MAGI2: variants seen among roughly 807,000 people sequenced by gnomAD.
MAGI2 encodes the protein membrane-associated guanylate kinase, WW and PDZ domain-containing protein 2.
In MAGI2, 35 loss-of-function variants were observed where a neutral mutation model predicts 133.3. That is an observed-to-expected ratio of 0.26 (90% confidence interval 0.20 to 0.35). The LOEUF (loss-of-function observed/expected upper bound fraction) is 0.35, where lower values mean the gene tolerates loss of function less well. Ranked by LOEUF, MAGI2 falls within the 10% of genes least tolerant of loss-of-function variation. MAGI2 has a pLI of 1.00. For missense variants in MAGI2, 1,636 were observed against 1,863.4 expected (o/e 0.88, Z 2.25); for synonymous variants, 729 against 710.6 (o/e 1.03, Z -0.41).
At chr7:78,791,848 T>G (rs1322336926) in intron 2 of MAGI2, among the ~76,000 whole-genome samples, 1 of 152,008 alleles carries the variant, frequency 6.6e-6, no homozygotes, top group Non-Finnish European at 1.5e-5. Flanking sequence ...TTGTGCCGGG[T>G]CAAGAAACAA....
intron 2 of MAGI2, among the ~76,000 whole-genome samples, chr7:78,680,710 T>A (rs1225581347): frequency 6.6e-6 from 1 of 152,170 alleles, no homozygotes. Context: ...CATAATCAAA[T>A]CATTCTTTGT....
intron 1 of MAGI2, among the ~76,000 whole-genome samples, chr7:79,081,900 G>C (rs889165549): frequency 1.3e-5 from 2 of 152,056 alleles, no homozygotes; most frequent in Non-Finnish European, 2.9e-5. Flanking sequence ...TTAGCTGTTG[G>C]TCCTACTTTT....
Position 79,145,504 on chromosome 7 carries a change from A to G in MAGI2, c.302-138298T>C, listed in dbSNP as rs189405495. ...ATGTGTTTTTGAGCAAGCATCTGCA[A>G]AAAAAGAGCAAATGAATTAGGGAGA... On this transcript the variant is annotated intron_variant, in intron 1 of 21. Coordinates refer to ENST00000354212, the MANE Select transcript of MAGI2 (RefSeq NM_012301.4). Among the ~76,000 whole-genome samples the G allele has an allele frequency of 1.9e-4, 29 of 152,294 alleles. No individual in the cohort carries two copies. The East Asian group carries it at 3.1e-3, about 16-fold the overall frequency.
chr7:78,451,871 T>C (rs937391521), intron 6 of MAGI2, among the ~76,000 whole-genome samples: 1 of 152,118 alleles, frequency 6.6e-6, no homozygotes, highest in African/African-American at 2.4e-5. Context: ...ACCATGAACT[T>C]CCCTTTCTGG....
chr7:79,150,915 T>C (rs983280280), intron 1 of MAGI2, among the ~76,000 whole-genome samples: 14 of 152,154 alleles, frequency 9.2e-5, no homozygotes, highest in African/African-American at 3.4e-4. Flanking sequence ...AAATAAGTTA[T>C]CTAGTTAAAG....
At chr7:78,529,971 C>T (rs1797324258) in intron 3 of MAGI2, among the ~76,000 whole-genome samples, 1 of 151,826 alleles carries the variant, frequency 6.6e-6, no homozygotes, top group Non-Finnish European at 1.5e-5. Flanking sequence ...TCTTCAAAAT[C>T]CAGTGTATAG....
At chr7:78,623,739 C>A (rs1261665280) in intron 3 of MAGI2, among the ~76,000 whole-genome samples, 2 of 152,094 alleles carry the variant, frequency 1.3e-5, no homozygotes, top group South Asian at 2.1e-4. Flanking sequence ...ATATTGAGTT[C>A]TTGAATAACT....
At chr7:78,598,748 G>A (rs1804879566) in intron 3 of MAGI2, among the ~76,000 whole-genome samples, 1 of 152,106 alleles carries the variant, frequency 6.6e-6, no homozygotes, top group Admixed American at 6.6e-5. Flanking sequence ...ACAGGTCTAA[G>A]GAATAATTTA....
chr7:78,446,302 T>C (rs1434538647), intron 6 of MAGI2, among the ~76,000 whole-genome samples: 1 of 152,038 alleles, frequency 6.6e-6, no homozygotes, highest in Non-Finnish European at 1.5e-5. Flanking sequence ...TTAAAATTTT[T>C]AAAGTTTTCT....
rs115722143 is a variant in MAGI2 at position 78,858,315 on chromosome 7, G to T, written c.418+148775C>A. Among the ~76,000 whole-genome samples, 323 of 152,222 alleles carry T rather than the reference G, an allele frequency of 2.1e-3. 3 individuals are homozygous for T. The highest frequency in any genetic ancestry group is 7.5e-3 in the African/African-American group (310 of 41,542). On this transcript the variant is annotated intron_variant, in intron 2 of 21. Coordinates refer to ENST00000354212, the MANE Select transcript of MAGI2 (RefSeq NM_012301.4). Reference sequence around the variant, plus strand: ...GCTAGCTTTTGAATGGTTTGCTCTTGTTACTCTAGTTCTTTTAATTGTGAT... The same window carrying T: ...GCTAGCTTTTGAATGGTTTGCTCTTTTTACTCTAGTTCTTTTAATTGTGAT...
At chr7:78,802,928 T>TA (rs34471936) in intron 2 of MAGI2, among the ~76,000 whole-genome samples, 2,536 of 144,420 alleles carry the variant, frequency 0.018, 60 homozygotes, top group African/African-American at 0.058. Context: ...TAAAATCTAT[T>TA]AAAAAAAAAA....
At chr7:78,755,581 G>A (rs920718745) in intron 2 of MAGI2, among the ~76,000 whole-genome samples, 1 of 152,188 alleles carries the variant, frequency 6.6e-6, no homozygotes, top group African/African-American at 2.4e-5. Context: ...TATCTACACA[G>A]CAGACAAATA....
intron 1 of MAGI2, among the ~76,000 whole-genome samples, chr7:79,283,952 T>G (rs1835827358): frequency 6.6e-6 from 1 of 152,110 alleles, no homozygotes; most frequent in Admixed American, 6.6e-5. Flanking sequence ...ACACAAATAC[T>G]TATTATTGTG....
At chr7:79,177,852 A>T (rs1826244196) in intron 1 of MAGI2, among the ~76,000 whole-genome samples, 2 of 152,020 alleles carry the variant, frequency 1.3e-5, no homozygotes, top group Non-Finnish European at 1.5e-5. Flanking sequence ...CTTAAGGCAT[A>T]AGAAAGGTCA....
intron 1 of MAGI2, among the ~76,000 whole-genome samples, chr7:79,170,171 C>G (rs1249370533): frequency 7.5e-4 from 56 of 74,708 alleles, no homozygotes; most frequent in Admixed American, 2.0e-3. Flanking sequence ...TTTTTTGAGA[C>G]AGGGTCTTGC....
At chr7:78,702,129 C>T (rs1818139886) in intron 2 of MAGI2, among the ~76,000 whole-genome samples, 1 of 151,942 alleles carries the variant, frequency 6.6e-6, no homozygotes, top group South Asian at 2.1e-4. Flanking sequence ...GTACAACTGT[C>T]ATTTGGTATT....
intron 10 of MAGI2, among the ~76,000 whole-genome samples, chr7:78,201,421 C>T (rs1829240719): frequency 1.3e-5 from 2 of 152,086 alleles, no homozygotes; most frequent in Admixed American, 6.6e-5. Flanking sequence ...ACTGAAGATG[C>T]TAAGGCACAG....
chr7:79,432,202 A>G (rs1448733203), intron 1 of MAGI2, among the ~76,000 whole-genome samples: 1 of 152,190 alleles, frequency 6.6e-6, no homozygotes, highest in East Asian at 1.9e-4. Flanking sequence ...TTGAAAAGAG[A>G]TTCTATGAAA....
chr7:79,164,589 TCC>T (rs1824739219), intron 1 of MAGI2, among the ~76,000 whole-genome samples: 3 of 151,996 alleles, frequency 2.0e-5, no homozygotes, highest in Non-Finnish European at 4.4e-5. Context: ...AACCTTGGTC[TCC>T]ACAGTCTTTT....
Sources: gnomAD v4.1 joint callset for allele counts (sites outside exome capture counted in the v4.1 genomes callset) on GRCh38, gnomAD v4.1.1 for gene constraint, MANE v1.5 for transcripts, NCBI Gene and HGNC (gene_info 2026-07-23, HGNC 2026-07-21) for gene names.